Variants in GRK3 observed in about 807,000 individuals in gnomAD.
The protein encoded by GRK3 is adrenergic, beta, receptor kinase 2.
Under a neutral mutation model 95.7 loss-of-function variants are expected in GRK3, and 54 were observed. That is an observed-to-expected ratio of 0.56 (90% CI 0.45 to 0.71). The LOEUF (loss-of-function observed/expected upper bound fraction) is 0.71. Ranked by LOEUF, GRK3 falls within the 30% of genes least tolerant of loss-of-function variation. The pLI is 0.00. For synonymous variants in GRK3, 281 were observed against 290.8 expected, an observed-to-expected ratio of 0.97 and a Z score of 0.34; for missense variants, 649 against 851.2, an observed-to-expected ratio of 0.76 and a Z score of 2.96.
Position 25,711,130 on chromosome 22 carries a change from C to T in GRK3, c.1458C>T (p.Gly486=), listed in dbSNP as rs59908484. The change falls in exon 17 of 21, where the codon GGC becomes GGT. Residue 486 remains glycine, a synonymous_variant. Transcript: ENST00000324198. Reference sequence around the variant, plus strand: ...ATGCTGCTGATGCCTTTGATATTGGCTCATTTGATGAAGAGGATACCAAAG... The same window carrying T: ...ATGCTGCTGATGCCTTTGATATTGGTTCATTTGATGAAGAGGATACCAAAG... ...EVNAADAFDI[G]SFDEEDTKGI... 1 of 1,613,248 alleles carries T rather than the reference C, an allele frequency of 6.2e-7. No homozygotes were observed. The highest frequency in any genetic ancestry group is 1.7e-5 in the Admixed American group (1 of 59,884).
intron 2 of GRK3, among the ~76,000 whole-genome samples, chr22:25,615,601 CGTTT>C (rs770217780): frequency 3.4e-5 from 5 of 148,738 alleles, no homozygotes; most frequent in Admixed American, 6.7e-5. Flanking sequence ...TTCAGTTGTT[CGTTT>C]AATAAATTTA....
At chr22:25,644,023 A>G (rs892335350) in intron 2 of GRK3, among the ~76,000 whole-genome samples, 1 of 152,152 alleles carries the variant, frequency 6.6e-6, no homozygotes, top group Non-Finnish European at 1.5e-5. Context: ...TGACCTGGGA[A>G]TGGGTAATCT....
chr22:25,574,231 C>T (rs757904064), intron 1 of GRK3, among the ~76,000 whole-genome samples: 6 of 152,004 alleles, frequency 3.9e-5, no homozygotes, highest in Non-Finnish European at 7.4e-5. Context: ...TGGTGGCTCA[C>T]GCCTGCACTT....
chr22:25,711,214 T>A, intron 17 of GRK3, 51 bp downstream of exon 17: 1 of 1,304,900 alleles, frequency 7.7e-7, no homozygotes, highest in Non-Finnish European at 1.1e-6. Context: ...ATGGGATGAT[T>A]TCTGTTGGAA....
At chr22:25,648,758 A>G (rs943506629) in intron 3 of GRK3, 7 of 1,138,472 alleles carry the variant, frequency 6.1e-6, no homozygotes, top group Non-Finnish European at 9.3e-6. Flanking sequence ...ATGGTATGGC[A>G]TATATTAAAA....
At chr22:25,695,371 G>A (rs1414841615) in intron 13 of GRK3, among the ~76,000 whole-genome samples, 157 bp downstream of exon 13, 1 of 152,216 alleles carries the variant, frequency 6.6e-6, no homozygotes, top group Non-Finnish European at 1.5e-5. Flanking sequence ...TCTTAGAAGA[G>A]TGAAAGCTGC....
intron 2 of GRK3, among the ~76,000 whole-genome samples, chr22:25,619,320 T>G (rs979868269): frequency 6.6e-6 from 1 of 152,192 alleles, no homozygotes; most frequent in African/African-American, 2.4e-5. Flanking sequence ...GTCTTCAGAA[T>G]GACCCTGTGC....
At chr22:25,644,785 G>T in intron 3 of GRK3, 120 bp downstream of exon 3, 2 of 528,144 alleles carry the variant, frequency 3.8e-6, no homozygotes, top group East Asian at 3.2e-5. Context: ...AAAGTAATTA[G>T]TAGTGCAAAA....
intron 2 of GRK3, among the ~76,000 whole-genome samples, chr22:25,610,959 T>C (rs2084492523): frequency 6.6e-6 from 1 of 152,180 alleles, no homozygotes; most frequent in Admixed American, 6.5e-5. Context: ...CCTCCTGGGT[T>C]CAAATGATTC....
intron 4 of GRK3, 51 bp from the exon 5 acceptor site, chr22:25,663,579 A>G (rs757985138): frequency 8.1e-7 from 1 of 1,229,208 alleles, no homozygotes; most frequent in South Asian, 1.3e-5. Flanking sequence ...TATAACATAC[A>G]CAGATTGGTT....
intron 3 of GRK3, among the ~76,000 whole-genome samples, chr22:25,660,518 T>C (rs2084902714): frequency 1.3e-5 from 2 of 152,182 alleles, no homozygotes; most frequent in Admixed American, 1.3e-4. Context: ...CTGCTAGCCC[T>C]CATATGACTC....
intron 1 of GRK3, among the ~76,000 whole-genome samples, chr22:25,572,356 G>A (rs1376849448): frequency 6.6e-6 from 1 of 152,120 alleles, no homozygotes; most frequent in East Asian, 1.9e-4. Context: ...GATTTATAAT[G>A]CTTTGGATAT....
rs2146354549 is a variant in GRK3 at position 25,618,461 on chromosome 22, A to G, written c.190+14008A>G. On this transcript the variant is annotated intron_variant, in intron 2 of 20. Coordinates refer to ENST00000324198, the MANE Select transcript of GRK3 (RefSeq NM_005160.4). ...ATCTCTTCTCCATTCTTTGATTTCA[A>G]AGTGTCTCTATTTAAAGTGTGTTTG... Among the ~76,000 whole-genome samples the G allele has an allele frequency of 2.0e-5, 3 of 152,278 alleles. No individual in the cohort carries two copies. The South Asian group carries it at 6.2e-4, about 32-fold the overall frequency.
chr22:25,599,195 A>T (rs574589900), intron 1 of GRK3, among the ~76,000 whole-genome samples: 27 of 152,242 alleles, frequency 1.8e-4, no homozygotes, highest in Non-Finnish European at 3.4e-4. Flanking sequence ...CCATTAAAGA[A>T]AAATATTGAT....
intron 2 of GRK3, among the ~76,000 whole-genome samples, chr22:25,642,367 A>G (rs1056123840): frequency 6.6e-6 from 1 of 152,190 alleles, no homozygotes; most frequent in Non-Finnish European, 1.5e-5. Flanking sequence ...TGGGAGGCAG[A>G]GGTTGCAGTG....
chr22:25,704,271 AC>A, intron 15 of GRK3, 62 bp downstream of exon 15: 1 of 1,270,696 alleles, frequency 7.9e-7, no homozygotes, highest in Non-Finnish European at 1.1e-6. Flanking sequence ...GATTTTAAAT[AC>A]TGTCTATCAA....
intron 1 of GRK3, among the ~76,000 whole-genome samples, chr22:25,581,667 G>T (rs1360159468): frequency 1.3e-5 from 2 of 152,010 alleles, no homozygotes; most frequent in Non-Finnish European, 2.9e-5. Context: ...ATGTAAGAAG[G>T]CTATTGAAAG....
At chr22:25,661,789 A>G (rs2084911333) in intron 4 of GRK3, 112 bp downstream of exon 4, 2 of 590,722 alleles carry the variant, frequency 3.4e-6, no homozygotes, top group East Asian at 2.8e-5. Context: ...TGAAAAATGC[A>G]CGCCCGGGAT....
chr22:25,611,377 T>G (rs1601472305), intron 2 of GRK3, among the ~76,000 whole-genome samples: 1 of 152,240 alleles, frequency 6.6e-6, no homozygotes. Context: ...AATTTGTGTT[T>G]AACTTTTTAA....
Sources: gnomAD v4.1 joint callset for allele counts (sites outside exome capture counted in the v4.1 genomes callset) on GRCh38, gnomAD v4.1.1 for gene constraint, MANE v1.5 for transcripts, NCBI Gene and HGNC (gene_info 2026-07-23, HGNC 2026-07-21) for gene names.